DSCAM: variants seen among roughly 807,000 people sequenced by gnomAD.
DSCAM encodes DS cell adhesion molecule, also known as cell adhesion molecule DSCAM.
DSCAM carries 47 observed loss-of-function variants against 217.7 expected under a neutral mutation model. That is an observed-to-expected ratio of 0.22 (90% CI 0.17 to 0.28). DSCAM has a LOEUF of 0.28. Ranked by LOEUF, DSCAM falls within the 10% of genes least tolerant of loss-of-function variation. The pLI is 1.00. For synonymous variants in DSCAM, 1,056 were observed against 1,015.3 expected (o/e 1.04, Z -0.76); for missense variants, 2,080 against 2,618.3 (o/e 0.79, Z 4.49).
chr21:40,611,706 C>T (rs1463807085), intron 3 of DSCAM, among the ~76,000 whole-genome samples: 1 of 152,186 alleles, frequency 6.6e-6, no homozygotes, highest in African/African-American at 2.4e-5. Context: ...TAGTAAGTGC[C>T]AACTGTGTGC....
At position 40,087,314 on chromosome 21, in the gene DSCAM, T is replaced by C. The variant is rs375153209; in HGVS notation, c.3851-27A>G. 2.2e-5 allele frequency: 34 copies of C among 1,561,794 alleles called. No individual in the cohort carries two copies. In the African/African-American group the frequency reaches 4.2e-4, roughly 19 times the overall value. ...TGAGGAACCAAACAAAGTGGAATCC[T>C]GATTACTCCACAGACGTGTCTACAC... is the stretch of plus-strand genomic sequence containing the variant. On this transcript the variant is annotated intron_variant, in intron 21 of 32. Coordinates refer to ENST00000400454, the MANE Select transcript of DSCAM (RefSeq NM_001389.5).
chr21:40,784,601 G>T (rs1454703205), intron 1 of DSCAM, among the ~76,000 whole-genome samples: 1 of 152,168 alleles, frequency 6.6e-6, no homozygotes, highest in Non-Finnish European at 1.5e-5. Flanking sequence ...AAAGTTCATT[G>T]TTGATATCCT....
intron 3 of DSCAM, among the ~76,000 whole-genome samples, chr21:40,645,494 G>C (rs1329317580): frequency 1.3e-5 from 2 of 152,090 alleles, no homozygotes; most frequent in Admixed American, 6.5e-5. Context: ...GTGGAATCAT[G>C]TGATGCTTTA....
At chr21:40,305,389 C>CAAAAAAAAAAAAAAAAAAAAAAAAA (rs58738453) in intron 9 of DSCAM, among the ~76,000 whole-genome samples, 1 of 68,568 alleles carries the variant, frequency 1.5e-5, no homozygotes, top group African/African-American at 4.2e-5. Flanking sequence ...GATCCCGTCT[C>CAAAAAAAAAAAAAAAAAAAAAAAAA]AAAAAAAAAA....
intron 3 of DSCAM, among the ~76,000 whole-genome samples, chr21:40,442,501 C>T (rs898476695): frequency 1.4e-5 from 2 of 146,516 alleles, no homozygotes; most frequent in Non-Finnish European, 3.0e-5. Flanking sequence ...AAATTAAGAC[C>T]CCTAATTTTT....
At chr21:40,212,868 G>GA (rs879867017) in intron 11 of DSCAM, among the ~76,000 whole-genome samples, 25 of 152,306 alleles carry the variant, frequency 1.6e-4, no homozygotes, top group African/African-American at 5.8e-4. Flanking sequence ...GACAGAAAAG[G>GA]AGAAGGCACA....
At chr21:40,772,668 C>T (rs1376157239) in intron 1 of DSCAM, among the ~76,000 whole-genome samples, 1 of 152,194 alleles carries the variant, frequency 6.6e-6, no homozygotes, top group Non-Finnish European at 1.5e-5. Flanking sequence ...CCCTCTTCCT[C>T]TCTGTATCAT....
At chr21:40,610,594 C>A (rs1415851094) in intron 3 of DSCAM, among the ~76,000 whole-genome samples, 1 of 152,204 alleles carries the variant, frequency 6.6e-6, no homozygotes, top group Non-Finnish European at 1.5e-5. Context: ...TCCATCCCCT[C>A]CCCTCCCCCA....
Position 40,563,591 on chromosome 21 carries a change from T to TATATA in DSCAM, c.508+129218_508+129219insTATAT, listed in dbSNP as rs369668523. On this transcript the variant is annotated intron_variant, in intron 3 of 32. Coordinates refer to ENST00000400454, the MANE Select transcript of DSCAM (RefSeq NM_001389.5). ...TATATATAGTTATATGTTTATATGT[T>TATATA]TATATGTTATATATATGTTTACATG... 9.4e-5 allele frequency among the ~76,000 whole-genome samples: 11 copies of TATATA among 116,970 alleles called. 1 individual carries two copies. The highest frequency in any genetic ancestry group is 1.7e-4 in the Non-Finnish European group (10 of 58,376). The allele number at this position is 116,970 out of a possible 152,430, so 76.7% of individuals were successfully genotyped here. A position where few individuals can be genotyped will look rare whatever the true frequency, so the allele number is the denominator to read the frequency against.
chr21:40,235,771 G>GAA (rs926753778), intron 11 of DSCAM, among the ~76,000 whole-genome samples: 2 of 138,236 alleles, frequency 1.4e-5, no homozygotes, highest in East Asian at 2.1e-4. Context: ...TTCCTTTTCA[G>GAA]AAAAAAAAAA....
At chr21:40,075,746 T>C (rs941392415) in intron 26 of DSCAM, among the ~76,000 whole-genome samples, 2 of 152,186 alleles carry the variant, frequency 1.3e-5, no homozygotes, top group African/African-American at 4.8e-5. Flanking sequence ...CTTCAACAGC[T>C]GTGGTTTGAG....
intron 3 of DSCAM, among the ~76,000 whole-genome samples, chr21:40,671,500 T>TCC (rs147341396): frequency 0.014 from 2,064 of 150,752 alleles, 58 homozygotes; most frequent in African/African-American, 0.047. Context: ...ATAGTGAAAC[T>TCC]CCCCCCCCGC....
intron 3 of DSCAM, among the ~76,000 whole-genome samples, chr21:40,372,455 T>C (rs2074908375): frequency 6.6e-6 from 1 of 152,252 alleles, no homozygotes; most frequent in East Asian, 1.9e-4. Flanking sequence ...TTCATACTTT[T>C]TGTCATGTTA....
At chr21:40,455,136 C>T (rs2075752876) in intron 3 of DSCAM, among the ~76,000 whole-genome samples, 1 of 152,180 alleles carries the variant, frequency 6.6e-6, no homozygotes, top group Non-Finnish European at 1.5e-5. Context: ...GATCAAGAAG[C>T]TCCCAGCATG....
chr21:40,640,953 A>C (rs12626937), intron 3 of DSCAM, among the ~76,000 whole-genome samples: 14,463 of 152,248 alleles, frequency 0.095, 795 homozygotes, highest in Middle Eastern at 0.17. Flanking sequence ...AATTATTCCT[A>C]CTTTCGGAAA....
intron 3 of DSCAM, among the ~76,000 whole-genome samples, chr21:40,677,884 C>T (rs2090358523): frequency 6.6e-6 from 1 of 152,140 alleles, no homozygotes; most frequent in African/African-American, 2.4e-5. Flanking sequence ...AATTCCCAGC[C>T]TCCAGAGCTC....
chr21:40,405,775 T>A (rs2075274768), intron 3 of DSCAM, among the ~76,000 whole-genome samples: 1 of 152,124 alleles, frequency 6.6e-6, no homozygotes, highest in Admixed American at 6.5e-5. Context: ...GGCAGGTGGA[T>A]CACTTGAGGT....
chr21:40,431,497 G>A (rs1016924335), intron 3 of DSCAM, among the ~76,000 whole-genome samples: 12 of 151,756 alleles, frequency 7.9e-5, no homozygotes, highest in African/African-American at 1.5e-4. Context: ...CGATGAAGAC[G>A]GAGACCTTTA....
intron 3 of DSCAM, among the ~76,000 whole-genome samples, chr21:40,511,848 G>A (rs979154195): frequency 4.6e-5 from 7 of 151,700 alleles, no homozygotes; most frequent in African/African-American, 1.2e-4. Context: ...AAAATTAGCC[G>A]GGCGTGGTGG....
Sources: allele counts gnomAD v4.1 joint callset (sites outside exome capture counted in the v4.1 genomes callset), GRCh38; gene constraint gnomAD v4.1.1; transcripts MANE v1.5; gene names NCBI Gene and HGNC (gene_info 2026-07-23, HGNC 2026-07-21).